The following PRH1 variants were observed in gnomAD, a reference collection of about 807,000 sequenced individuals.
The protein encoded by PRH1 is proline rich protein HaeIII subfamily 1.
PRH1 carries 7 observed loss-of-function variants against 7.9 expected under a neutral mutation model. That is an observed-to-expected ratio of 0.89 (90% CI 0.50 to 1.67). The LOEUF is 1.67. Among genes scored for constraint, PRH1 ranks in the 40% most tolerant of loss-of-function variants. PRH1 has a pLI of 0.00. For missense variants in PRH1, 109 were observed against 223.6 expected (o/e 0.49, Z 3.27); for synonymous variants, 45 against 80.8 (o/e 0.56, Z 2.38).
chr12:10,994,580 A>G (rs1347488680), intron 1 of PRH1, among the ~76,000 whole-genome samples: 6 of 152,128 alleles, frequency 3.9e-5, no homozygotes, highest in Non-Finnish European at 8.8e-5. Flanking sequence ...TGTCCCAGCC[A>G]TTTCTGCAGT....
intron 2 of PRH1, among the ~76,000 whole-genome samples, chr12:10,959,746 A>G (rs748913046): frequency 1.1e-4 from 16 of 152,178 alleles, no homozygotes; most frequent in Non-Finnish European, 1.6e-4. Context: ...ATATATGAAT[A>G]TATAGATGAA....
rs899527936 is a variant in PRH1 at position 11,059,120 on chromosome 12, T to C, written n.124-11932A>G. Among the ~76,000 whole-genome samples, 29 of 152,128 alleles carry C rather than the reference T, an allele frequency of 1.9e-4. 1 individual carries two copies. The highest frequency in any genetic ancestry group is 1.3e-4 in the Non-Finnish European group (9 of 68,018). On this transcript the variant is annotated intron_variant and non_coding_transcript_variant, in intron 1 of 4. Coordinates refer to the PRH1 transcript ENST00000541977. ...CAGGGAAACAATGGCCAATGGGAAA[T>C]CAAATACAGAAGACAACTGAGCAGA...
chr12:10,997,684 T>C (rs758232741), intron 1 of PRH1: 1 of 1,613,774 alleles, frequency 6.2e-7, no homozygotes, highest in South Asian at 1.1e-5. Flanking sequence ...AATACCAATG[T>C]AATAATATTA....
intron 2 of PRH1, among the ~76,000 whole-genome samples, chr12:10,917,967 C>T (rs1949996059): frequency 6.6e-6 from 1 of 152,188 alleles, no homozygotes; most frequent in Non-Finnish European, 1.5e-5. Flanking sequence ...ATATCAGTGC[C>T]TGCTTTTGGA....
intron 1 of PRH1, among the ~76,000 whole-genome samples, chr12:11,020,117 C>T (rs1424737860): frequency 6.6e-6 from 1 of 152,212 alleles, no homozygotes; most frequent in Admixed American, 6.5e-5. Context: ...CTTCAAAAAG[C>T]CTATAACCTC....
At chr12:11,090,809 TC>T (rs1944855332) in intron 1 of PRH1, among the ~76,000 whole-genome samples, 1 of 115,410 alleles carries the variant, frequency 8.7e-6, no homozygotes, top group South Asian at 2.3e-4. Context: ...GACCTTACCA[TC>T]CAATAAATTT....
At chr12:11,052,740 T>C (rs1433675545) in intron 1 of PRH1, among the ~76,000 whole-genome samples, 1 of 152,182 alleles carries the variant, frequency 6.6e-6, no homozygotes, top group Non-Finnish European at 1.5e-5. Flanking sequence ...TTATCTCTTC[T>C]CGTGCTCTAA....
rs1944322939 is a variant in PRH1, at chr12:11,077,217, T to C, written n.124-30029A>G. On this transcript the variant is annotated intron_variant and non_coding_transcript_variant, in intron 1 of 4. Coordinates refer to the PRH1 transcript ENST00000541977. ...GATATCTATTCTGAAATTACTCAAA[T>C]ACATACACTATGGAAAAACTGATAG... The C allele has an allele frequency of 1.8e-5, 3 of 169,980 alleles. 1 individual carries two copies. The South Asian group carries it at 3.2e-4, about 18-fold the overall frequency. The allele number at this position is 169,980 out of a possible 1,614,324, so 10.5% of individuals were successfully genotyped here. A position where few individuals can be genotyped will look rare whatever the true frequency, so the allele number is the denominator to read the frequency against.
At chr12:10,999,592 T>C (rs944316589) in intron 1 of PRH1, among the ~76,000 whole-genome samples, 3 of 152,144 alleles carry the variant, frequency 2.0e-5, no homozygotes, top group South Asian at 2.1e-4. Flanking sequence ...TAAACACTTA[T>C]GTAACCATCA....
intron 2 of PRH1, among the ~76,000 whole-genome samples, chr12:10,923,112 GC>G (rs946860740): frequency 6.0e-5 from 9 of 149,804 alleles, no homozygotes; most frequent in Non-Finnish European, 1.0e-4. Flanking sequence ...ACAGGCGTGA[GC>G]CACCGCGCCC....
intron 1 of PRH1, among the ~76,000 whole-genome samples, chr12:11,136,069 C>A (rs1946541910): frequency 6.6e-6 from 1 of 152,186 alleles, no homozygotes. Context: ...CACCTCCATG[C>A]CACTTTCCAA....
At chr12:11,041,072 A>C (rs372709800) in intron 1 of PRH1, among the ~76,000 whole-genome samples, 13 of 152,182 alleles carry the variant, frequency 8.5e-5, no homozygotes, top group African/African-American at 2.9e-4. Context: ...CCAGAAAAGA[A>C]ATAATAAAAT....
At chr12:10,958,092 C>A (rs961666027) in intron 2 of PRH1, among the ~76,000 whole-genome samples, 3 of 151,998 alleles carry the variant, frequency 2.0e-5, no homozygotes, top group African/African-American at 7.3e-5. Flanking sequence ...AATTGTTCTA[C>A]CATAAAGACA....
chr12:10,892,447 C>A (rs1297963391), intron 2 of PRH1, among the ~76,000 whole-genome samples: 1 of 152,014 alleles, frequency 6.6e-6, no homozygotes, highest in Non-Finnish European at 1.5e-5. Context: ...GTAAGGGGGA[C>A]AGGAGAACTG....
rs147486390 is a variant in PRH1, at chr12:10,899,518, G to C, written c.-58-15243C>G. Reference sequence around the variant, plus strand: ...TTCTCACTCTCACAAGACTGAATTTGTTCTAGGGGAATGAGTTGTTTTTCA... The same window carrying C: ...TTCTCACTCTCACAAGACTGAATTTCTTCTAGGGGAATGAGTTGTTTTTCA... On this transcript the variant is annotated intron_variant, in intron 2 of 3. Coordinates refer to the PRH1 transcript ENST00000539853. Among the ~76,000 whole-genome samples, 951 of 152,256 alleles carry C rather than the reference G, an allele frequency of 6.2e-3. 5 individuals carry two copies. The highest frequency in any genetic ancestry group is 9.7e-3 in the Non-Finnish European group (662 of 68,008).
chr12:11,122,180 T>C (rs542424969), intron 1 of PRH1, among the ~76,000 whole-genome samples: 5 of 152,304 alleles, frequency 3.3e-5, no homozygotes, highest in East Asian at 1.9e-4. Flanking sequence ...GGCTTCCACA[T>C]TGGAGTTTCT....
chr12:10,986,754 A>T (rs1026473873), intron 1 of PRH1: 1 of 1,611,276 alleles, frequency 6.2e-7, no homozygotes, highest in Non-Finnish European at 8.5e-7. Flanking sequence ...TTTTCTCTTC[A>T]CCCAGTCAAT....
intron 1 of PRH1, among the ~76,000 whole-genome samples, chr12:11,008,938 C>A (rs1330771993): frequency 6.6e-6 from 1 of 151,758 alleles, no homozygotes; most frequent in African/African-American, 2.4e-5. Context: ...ATAGAAAAGT[C>A]CAAAAAATAC....
At chr12:11,075,651 A>T (rs375666684) in intron 1 of PRH1, among the ~76,000 whole-genome samples, 1 of 98,990 alleles carries the variant, frequency 1.0e-5, no homozygotes. Context: ...TAATTTTGAC[A>T]TTCCACCTTG....
Sources: gnomAD v4.1 joint callset for allele counts (sites outside exome capture counted in the v4.1 genomes callset) on GRCh38, gnomAD v4.1.1 for gene constraint, MANE v1.5 for transcripts, NCBI Gene and HGNC (gene_info 2026-07-23, HGNC 2026-07-21) for gene names.